CASD1: variants seen among roughly 807,000 people sequenced by gnomAD.
CASD1 encodes N-acetylneuraminate (7)9-O-acetyltransferase.
A neutral mutation model predicts 100.0 loss-of-function variants in CASD1; 41 were observed. That is an observed-to-expected ratio of 0.41 (90% confidence interval 0.32 to 0.53). The LOEUF (loss-of-function observed/expected upper bound fraction) is 0.53. Among genes scored for constraint, CASD1 ranks in the 20% least tolerant of loss-of-function variants. The probability of loss-of-function intolerance (pLI) is 0.25; values close to 1 mark genes in which losing one functional copy is unlikely to be tolerated. For missense variants in CASD1, 774 were observed against 948.7 expected (o/e 0.82, Z 2.42); for synonymous variants, 321 against 315.6 (o/e 1.02, Z -0.18).
intron 1 of CASD1, among the ~76,000 whole-genome samples, chr7:94,515,332 T>A (rs1409073797): frequency 6.6e-6 from 1 of 152,060 alleles, no homozygotes; most frequent in Non-Finnish European, 1.5e-5. Flanking sequence ...AAGAATTTCT[T>A]CCATGGAAAG....
At chr7:94,525,416 G>T (rs1055909470) in intron 3 of CASD1, among the ~76,000 whole-genome samples, 14 of 152,154 alleles carry the variant, frequency 9.2e-5, no homozygotes, top group Admixed American at 5.2e-4. Flanking sequence ...GACCACATAG[G>T]TGGTTCAGTG....
intron 1 of CASD1, 126 bp downstream of exon 1, chr7:94,510,343 C>T: frequency 1.5e-6 from 1 of 667,602 alleles, no homozygotes; most frequent in Non-Finnish European, 2.2e-6. Flanking sequence ...GCGGGGGAGG[C>T]GGTTCCCCCA....
chr7:94,562,906 T>A, the CASD1 span, among the ~76,000 whole-genome samples: 1 of 152,134 alleles, frequency 6.6e-6, no homozygotes, highest in Non-Finnish European at 1.5e-5. Flanking sequence ...CCTTTTTTTT[T>A]ATGCCAGAGA....
At chr7:94,525,372 C>T (rs1794511104) in intron 3 of CASD1, among the ~76,000 whole-genome samples, 1 of 152,088 alleles carries the variant, frequency 6.6e-6, no homozygotes, top group East Asian at 1.9e-4. Flanking sequence ...GAGTGGTTTA[C>T]TTTGGGTGAA....
intron 10 of CASD1, among the ~76,000 whole-genome samples, chr7:94,540,550 C>T (rs1212697692): frequency 2.0e-5 from 3 of 152,038 alleles, no homozygotes; most frequent in Non-Finnish European, 4.4e-5. Context: ...AATTATTTGG[C>T]TATGATATGT....
downstream of CASD1, among the ~76,000 whole-genome samples, chr7:94,559,368 C>T (rs10276063): frequency 0.53 from 79,576 of 150,248 alleles, 21,846 homozygotes; most frequent in South Asian, 0.73. Flanking sequence ...TTTACAATTA[C>T]GCAGACATTT....
In CASD1 at chr7:94,554,654, TCA is replaced by T. The variant is rs1318417701; in HGVS notation, c.2127+84_2127+85del. 1.1e-5 allele frequency: 9 copies of T among 849,820 alleles called. No homozygotes were observed. In the East Asian group the frequency reaches 2.2e-4, roughly 21 times the overall value. The allele number at this position is 849,820 out of a possible 1,614,324, so 52.6% of individuals were successfully genotyped here. ...GTATGTACGTGTGTGTGTGTAAATATCACACATATATGTGAGTATGAAAATCG... is the reference window on the plus strand; with the variant it reads ...GTATGTACGTGTGTGTGTGTAAATATCACATATATGTGAGTATGAAAATCG... On this transcript the variant is annotated intron_variant, in intron 17 of 17. Transcript: ENST00000297273.
chr7:94,544,622 A>T, intron 11 of CASD1, 92 bp downstream of exon 11: 7 of 1,254,298 alleles, frequency 5.6e-6, no homozygotes, highest in Non-Finnish European at 6.5e-6. Flanking sequence ...TATAGTCATT[A>T]TAAGACTGAA....
rs1374565295 is a variant in CASD1 at position 94,547,126 on chromosome 7, T to G, written c.1664T>G (p.Leu555Trp). ...GNCFWHFGLL[L>W]KLGFLLLFIC... ...TGTTTCTGGCATTTTGGCTTACTGTTGAAACTAGGCTTTTTGCTGTTATTC... is the reference window on the plus strand; with the variant it reads ...TGTTTCTGGCATTTTGGCTTACTGTGGAAACTAGGCTTTTTGCTGTTATTC... The change falls in exon 13 of 18, where the codon TTG becomes TGG. Residue 555 changes from leucine (L) to tryptophan (W), a missense_variant. Physicochemically the swap from Leu to Trp is moderately conservative, Grantham distance 61. Transcript: ENST00000297273. 2.5e-6 allele frequency: 4 copies of G among 1,595,558 alleles called. No homozygotes were observed. The highest frequency in any genetic ancestry group is 3.4e-6 in the Non-Finnish European group (4 of 1,170,506).
chr7:94,579,761 A>G, the CASD1 span, among the ~76,000 whole-genome samples: 1 of 152,182 alleles, frequency 6.6e-6, no homozygotes, highest in Non-Finnish European at 1.5e-5. Context: ...CAGATGACTT[A>G]CCAATCATAG....
the CASD1 span, chr7:94,599,554 T>G: frequency 4.2e-6 from 3 of 721,304 alleles, no homozygotes; most frequent in Non-Finnish European, 7.3e-6. Flanking sequence ...ATATCTCTAT[T>G]TAGAAAGCAG....
intron 14 of CASD1, 50 bp from the exon 15 acceptor site, chr7:94,551,287 GT>G (rs1562949897): frequency 7.0e-7 from 1 of 1,434,700 alleles, no homozygotes; most frequent in Non-Finnish European, 9.3e-7. Context: ...TATTTTTCCT[GT>G]TTTTTGAAAA....
Position 94,540,561 on chromosome 7 carries a change from A to G in CASD1, c.1356+1505A>G, listed in dbSNP as rs73220314. 8.6e-3 allele frequency among the ~76,000 whole-genome samples: 1,317 copies of G among 152,266 alleles called. 14 individuals are homozygous for G. Among genetic ancestry groups the G allele is most frequent in the Admixed American group, 9.9e-3 (151 of 15,284 alleles). ...CTAAAATTATTTGGCTATGATATGT[A>G]TGTTTGTTGCAACAGTGAAATTCCT... is the stretch of plus-strand genomic sequence containing the variant. On this transcript the variant is annotated intron_variant, in intron 10 of 17. Transcript: ENST00000297273.
At chr7:94,539,240 AT>A (rs1304188607) in intron 10 of CASD1, among the ~76,000 whole-genome samples, 184 bp downstream of exon 10, 1 of 151,936 alleles carries the variant, frequency 6.6e-6, no homozygotes, top group Non-Finnish European at 1.5e-5. Flanking sequence ...TCAAAGCAAA[AT>A]TTTTTTTAAA....
chr7:94,533,023 AT>A (rs1199114951), intron 5 of CASD1, among the ~76,000 whole-genome samples, 181 bp from the exon 6 acceptor site: 4 of 152,172 alleles, frequency 2.6e-5, no homozygotes, highest in African/African-American at 9.7e-5. Context: ...GATTTTAGGC[AT>A]TGGATATCCT....
At chr7:94,546,636 A>G (rs892886308) in intron 12 of CASD1, among the ~76,000 whole-genome samples, 1 of 151,956 alleles carries the variant, frequency 6.6e-6, no homozygotes, top group African/African-American at 2.4e-5. Context: ...TTAAATATGC[A>G]TATGTTAAAA....
intron 10 of CASD1, among the ~76,000 whole-genome samples, chr7:94,542,631 G>C (rs113460028): frequency 0.035 from 5,293 of 152,212 alleles, 126 homozygotes; most frequent in South Asian, 0.073. Context: ...GTATAGTTAG[G>C]TTTCAACTTT....
At chr7:94,632,520 A>G in the CASD1 span, among the ~76,000 whole-genome samples, 1 of 152,240 alleles carries the variant, frequency 6.6e-6, no homozygotes, top group South Asian at 2.1e-4. Flanking sequence ...CTCCACAGTA[A>G]AGGCTGCTTC....
At chr7:94,574,014 T>C in the CASD1 span, among the ~76,000 whole-genome samples, 13 of 152,352 alleles carry the variant, frequency 8.5e-5, no homozygotes, top group African/African-American at 3.1e-4. Context: ...TACTTTTGTT[T>C]ATGTGATTAA....
Sources: gnomAD v4.1 joint callset for allele counts (sites outside exome capture counted in the v4.1 genomes callset) on GRCh38, gnomAD v4.1.1 for gene constraint, MANE v1.5 for transcripts, NCBI Gene and HGNC (gene_info 2026-07-23, HGNC 2026-07-21) for gene names.